Variants in MAP2K5 observed in about 807,000 individuals in gnomAD.
MAP2K5 encodes dual specificity mitogen-activated protein kinase kinase 5.
In MAP2K5, 49 loss-of-function variants were observed where a neutral mutation model predicts 83.1. That is an observed-to-expected ratio of 0.59 (90% confidence interval 0.47 to 0.75). The LOEUF (loss-of-function observed/expected upper bound fraction) is 0.75. MAP2K5 is among the 30% of genes least tolerant of loss of function. The probability of loss-of-function intolerance (pLI) is 0.00; values close to 1 mark genes in which losing one functional copy is unlikely to be tolerated. For missense variants in MAP2K5, 457 were observed against 557.5 expected (o/e 0.82, Z 1.82); for synonymous variants, 202 against 191.8 (o/e 1.05, Z -0.44).
At chr15:67,798,089 C>A (rs1159690555) in intron 21 of MAP2K5, among the ~76,000 whole-genome samples, 1 of 152,232 alleles carries the variant, frequency 6.6e-6, no homozygotes, top group Non-Finnish European at 1.5e-5. Flanking sequence ...CCATCAATCA[C>A]CCCCAGAGAC....
At position 67,717,318 on chromosome 15, in the gene MAP2K5, C is replaced by T. The variant is rs1472867195; in HGVS notation, c.1045-10598C>T. On this transcript the variant is annotated intron_variant, in intron 16 of 21. Coordinates refer to ENST00000178640, the MANE Select transcript of MAP2K5 (RefSeq NM_145160.3). This position sits in a 1 kb window ranked among gnomAD's most constrained non-coding sequence, Gnocchi z 4.1. The stretch of plus-strand genomic sequence containing the variant: ...TATTAAAAAGAAACACAAATATTAA[C>T]CTAATCTCCAGTATGTCTACTGTAA... Among the ~76,000 whole-genome samples the T allele has an allele frequency of 6.6e-6, 1 of 152,158 alleles. No individual in the cohort carries two copies.
intron 4 of MAP2K5, among the ~76,000 whole-genome samples, chr15:67,585,116 A>T (rs950261149): frequency 4.6e-5 from 7 of 152,026 alleles, no homozygotes; most frequent in Non-Finnish European, 1.0e-4. Flanking sequence ...TCGTCCCCAA[A>T]CAATCAATCA....
At chr15:67,586,999 G>T (rs1385544374) in intron 6 of MAP2K5, 86 bp downstream of exon 6, 2 of 1,331,538 alleles carry the variant, frequency 1.5e-6, no homozygotes, top group South Asian at 1.2e-5. Context: ...AAAGAAATTT[G>T]ACCAGTTAGA....
At chr15:67,681,657 C>G (rs2087820550) in intron 13 of MAP2K5, among the ~76,000 whole-genome samples, 1 of 152,112 alleles carries the variant, frequency 6.6e-6, no homozygotes, top group African/African-American at 2.4e-5. Flanking sequence ...TTAGGAAACA[C>G]CTAAACTTGA....
intron 13 of MAP2K5, among the ~76,000 whole-genome samples, chr15:67,671,354 G>A (rs1308347554): frequency 6.6e-6 from 1 of 152,170 alleles, no homozygotes; most frequent in Non-Finnish European, 1.5e-5. Flanking sequence ...GGTGCTTAAT[G>A]TATATAAATT....
At position 67,785,999 on chromosome 15, in the gene MAP2K5, G is replaced by C. The variant is rs957535118; in HGVS notation, c.1242+13247G>C. 1.4e-5 allele frequency among the ~76,000 whole-genome samples: 2 copies of C among 147,480 alleles called. No homozygotes were observed. The highest frequency in any genetic ancestry group is 5.0e-5 in the African/African-American group (2 of 39,668). On this transcript the variant is annotated intron_variant, in intron 21 of 21. Transcript: ENST00000178640. This position sits in a 1 kb window ranked among gnomAD's most constrained non-coding sequence, Gnocchi z 4.4. ...GGGTAATGATACCAACTTCACAGGG[G>C]GCTTTTAGCTGTTAGGTTGTTTTTT... is the stretch of plus-strand genomic sequence containing the variant.
intron 13 of MAP2K5, among the ~76,000 whole-genome samples, chr15:67,672,058 G>A (rs1489101621): frequency 1.3e-5 from 2 of 151,658 alleles, no homozygotes; most frequent in Non-Finnish European, 2.9e-5. Context: ...AATCCAGTCT[G>A]TCATTGTTGG....
At position 67,793,834 on chromosome 15, in the gene MAP2K5, A is replaced by G. The variant is rs2090558743; in HGVS notation, c.1243-12812A>G. Among the ~76,000 whole-genome samples, 4 of 152,214 alleles carry G rather than the reference A, an allele frequency of 2.6e-5. No homozygotes were observed. Among genetic ancestry groups the G allele is most frequent in the Admixed American group, 6.5e-5 (1 of 15,280 alleles). ...GAATCAGTAATTAAGGTGGACTTCA[A>G]ACTGTTGAGGTTTTATTTTCTGAGA... is the stretch of plus-strand genomic sequence containing the variant. On this transcript the variant is annotated intron_variant, in intron 21 of 21. Coordinates refer to ENST00000178640, the MANE Select transcript of MAP2K5 (RefSeq NM_145160.3). This position sits in a 1 kb window ranked among gnomAD's most constrained non-coding sequence, Gnocchi z 4.6.
intron 16 of MAP2K5, among the ~76,000 whole-genome samples, chr15:67,705,163 G>T (rs1484626464): frequency 6.6e-6 from 1 of 152,240 alleles, no homozygotes; most frequent in African/African-American, 2.4e-5. Flanking sequence ...CAGAGGCATG[G>T]CACTACTATA....
intron 4 of MAP2K5, among the ~76,000 whole-genome samples, chr15:67,584,895 A>G (rs1263700926): frequency 1.3e-5 from 2 of 151,312 alleles, no homozygotes; most frequent in Non-Finnish European, 2.9e-5. Context: ...ACAGCGTTTC[A>G]CCATATTGGC....
In MAP2K5 at chr15:67,577,228, C is replaced by T. The variant is rs376827336; in HGVS notation, c.253-3526C>T. Reference sequence around the variant, plus strand: ...GGGATTACAGGCGTGAGCCACCGTGCCCGGCCAGTAACCCTATATATTAGG... The same window carrying T: ...GGGATTACAGGCGTGAGCCACCGTGTCCGGCCAGTAACCCTATATATTAGG... On this transcript the variant is annotated intron_variant, in intron 3 of 21. Transcript: ENST00000178640. This position sits in a 1 kb window ranked among gnomAD's most constrained non-coding sequence, Gnocchi z 4.1. Among the ~76,000 whole-genome samples the T allele has an allele frequency of 2.1e-3, 323 of 152,276 alleles. 2 individuals are homozygous for T. The highest frequency in any genetic ancestry group is 0.017 in the South Asian group (80 of 4,822).
intron 3 of MAP2K5, among the ~76,000 whole-genome samples, chr15:67,575,414 C>T (rs934405861): frequency 1.3e-5 from 2 of 152,126 alleles, no homozygotes; most frequent in East Asian, 3.9e-4. Flanking sequence ...AAAGAAAGAG[C>T]CAGAGGTCAC....
At chr15:67,798,321 G>T (rs958474944) in intron 21 of MAP2K5, among the ~76,000 whole-genome samples, 1 of 152,136 alleles carries the variant, frequency 6.6e-6, no homozygotes, top group African/African-American at 2.4e-5. Flanking sequence ...CCTATCCAAG[G>T]CCCCTGCCAG....
At position 67,619,165 on chromosome 15, in the gene MAP2K5, G is replaced by A. The variant is rs567790864; in HGVS notation, c.546-11723G>A. On this transcript the variant is annotated intron_variant, in intron 8 of 21. Transcript: ENST00000178640. ...TGGAATCCCCTTCCCCTAGATGTCCGAATGGTGTGCCCCCATACTGCTCAC... is the reference window on the plus strand; with the variant it reads ...TGGAATCCCCTTCCCCTAGATGTCCAAATGGTGTGCCCCCATACTGCTCAC... 1.8e-4 allele frequency among the ~76,000 whole-genome samples: 28 copies of A among 152,180 alleles called. 1 individual carries two copies. The South Asian group carries it at 4.8e-3, about 26-fold the overall frequency.
In MAP2K5 at chr15:67,552,734, C is replaced by T. The variant is rs1596548556; in HGVS notation, c.184+2652C>T. On this transcript the variant is annotated intron_variant, in intron 2 of 21. Coordinates refer to ENST00000178640, the MANE Select transcript of MAP2K5 (RefSeq NM_145160.3). This position sits in a 1 kb window ranked among gnomAD's most constrained non-coding sequence, Gnocchi z 4.2. ...TTACAGGTGTGAGCCACTGTACCCACGAAGTACTTAAAAGGACATTATTAG... is the reference window on the plus strand; with the variant it reads ...TTACAGGTGTGAGCCACTGTACCCATGAAGTACTTAAAAGGACATTATTAG... Among the ~76,000 whole-genome samples the T allele has an allele frequency of 6.6e-6, 1 of 152,052 alleles. No individual in the cohort carries two copies. Among genetic ancestry groups the T allele is most frequent in the African/African-American group, 2.4e-5 (1 of 41,402 alleles).
At chr15:67,551,544 G>T (rs539890466) in intron 2 of MAP2K5, among the ~76,000 whole-genome samples, 1 of 152,176 alleles carries the variant, frequency 6.6e-6, no homozygotes, top group East Asian at 1.9e-4. Context: ...TGTTGTCCAG[G>T]CTAGTCTTGA....
rs373104308 is a variant in MAP2K5 at position 67,718,630 on chromosome 15, G to A, written c.1045-9286G>A. On this transcript the variant is annotated intron_variant, in intron 16 of 21. Transcript: ENST00000178640. ...AATACAAAAATTAGCCAGGCGTGGT[G>A]GTATGCACCTGTAATCCAAGCTACT... 1.3e-3 allele frequency among the ~76,000 whole-genome samples: 204 copies of A among 152,144 alleles called. 2 individuals are homozygous for A. Among genetic ancestry groups the A allele is most frequent in the African/African-American group, 4.8e-3 (201 of 41,500 alleles).
rs2089889013 is a variant in MAP2K5 at position 67,758,707 on chromosome 15, TC to T, written c.1134+10107del. Among the ~76,000 whole-genome samples, 3 of 152,198 alleles carry T rather than the reference TC, an allele frequency of 2.0e-5. No homozygotes were observed. Among genetic ancestry groups the T allele is most frequent in the Admixed American group, 2.0e-4 (3 of 15,274 alleles). ...AATAGATATGGTTCTCTACCAGAAT[TC>T]AGAAGTCTAAGCCTTAACCTTTGTG... On this transcript the variant is annotated intron_variant, in intron 19 of 21. Coordinates refer to ENST00000178640, the MANE Select transcript of MAP2K5 (RefSeq NM_145160.3). The surrounding 1 kb of genome is among the most constrained non-coding windows in gnomAD (Gnocchi z 4.7).
Position 67,748,621 on chromosome 15 carries a change from G to T in MAP2K5, c.1134+20G>T, listed in dbSNP as rs748386374. 6.2e-7 allele frequency: 1 copy of T among 1,611,730 alleles called. No homozygotes were observed. Among genetic ancestry groups the T allele is most frequent in the Non-Finnish European group, 8.5e-7 (1 of 1,178,158 alleles). On this transcript the variant is annotated intron_variant, in intron 19 of 21. Transcript: ENST00000178640. This position sits in a 1 kb window ranked among gnomAD's most constrained non-coding sequence, Gnocchi z 4.0. ...GATGAGGTGAGGCATCGTCTTATGTGCTTTCACTCCTAAAGTCATTCCTAA... is the reference window on the plus strand; with the variant it reads ...GATGAGGTGAGGCATCGTCTTATGTTCTTTCACTCCTAAAGTCATTCCTAA...
Sources: gnomAD v4.1 joint callset for allele counts (sites outside exome capture counted in the v4.1 genomes callset) on GRCh38, gnomAD v4.1.1 for gene constraint, Gnocchi (gnomAD v3.1) non-coding constraint, MANE v1.5 for transcripts, NCBI Gene and HGNC (gene_info 2026-07-23, HGNC 2026-07-21) for gene names.